The following CACUL1 variants were observed in gnomAD, a reference collection of about 807,000 sequenced individuals.
The protein encoded by CACUL1 is CDK2 associated cullin domain 1.
A neutral mutation model predicts 45.2 loss-of-function variants in CACUL1; 13 were observed. That is an observed-to-expected ratio of 0.29 (90% CI 0.19 to 0.46). The LOEUF is 0.46. Among genes scored for constraint, CACUL1 ranks in the 20% least tolerant of loss-of-function variants. CACUL1 has a pLI of 1.00. For missense variants in CACUL1, 421 were observed against 471.4 expected (o/e 0.89, Z 0.99); for synonymous variants, 197 against 174.2 (o/e 1.13, Z -1.03).
chr10:118,690,097 C>A (rs1055814325), intron 7 of CACUL1, among the ~76,000 whole-genome samples: 1 of 152,042 alleles, frequency 6.6e-6, no homozygotes. Flanking sequence ...GTCAGGAGAT[C>A]GAGACCATCC....
intron 8 of CACUL1, 86 bp from the exon 9 acceptor site, chr10:118,686,254 TC>T: frequency 8.8e-7 from 1 of 1,136,318 alleles, no homozygotes; most frequent in South Asian, 1.2e-5. Flanking sequence ...CACACATTTC[TC>T]ACTCCTCTCC....
intron 1 of CACUL1, among the ~76,000 whole-genome samples, chr10:118,736,251 A>T (rs1426017592): frequency 6.6e-6 from 1 of 151,824 alleles, no homozygotes; most frequent in South Asian, 2.1e-4. Context: ...TCAGGATAAG[A>T]AAATATTTTT....
At chr10:118,713,871 C>T (rs1338015910) in intron 3 of CACUL1, among the ~76,000 whole-genome samples, 2 of 152,100 alleles carry the variant, frequency 1.3e-5, no homozygotes, top group Admixed American at 6.6e-5. Flanking sequence ...TCTCTGGAAA[C>T]CTTTACATTT....
intron 4 of CACUL1, among the ~76,000 whole-genome samples, chr10:118,702,824 C>T (rs112858729): frequency 6.6e-6 from 1 of 152,078 alleles, no homozygotes; most frequent in African/African-American, 2.4e-5. Flanking sequence ...TCAGGTGATC[C>T]GCCAGCCTCT....
chr10:118,719,208 T>C (rs967749537), intron 3 of CACUL1, among the ~76,000 whole-genome samples: 1 of 152,242 alleles, frequency 6.6e-6, no homozygotes, highest in Non-Finnish European at 1.5e-5. Context: ...AAATAGTTTA[T>C]TCCAAGTCCT....
intron 1 of CACUL1, among the ~76,000 whole-genome samples, chr10:118,747,780 TG>T (rs1036350828): frequency 3.3e-5 from 5 of 152,156 alleles, no homozygotes; most frequent in African/African-American, 1.2e-4. Flanking sequence ...CAGCGTTAAC[TG>T]ACTGCAAAGA....
Position 118,677,039 on chromosome 10 carries a change from C to T in CACUL1, c.*9089G>A, listed in dbSNP as rs554901270. ...TTTTAGTTCACAATCTGGAATTTCT[C>T]TTGGTGAATGGTATGATAGGAATCA... On this transcript the variant is annotated 3_prime_UTR_variant, in exon 9 of 9. Transcript: ENST00000369151. 4 of 152,204 alleles carry T rather than the reference C, an allele frequency of 2.6e-5. No homozygotes were observed. Among genetic ancestry groups the T allele is most frequent in the South Asian group, 4.1e-4 (2 of 4,822 alleles). The allele number at this position is 152,204 out of a possible 1,614,324, so 9.4% of individuals were successfully genotyped here. A position where few individuals can be genotyped will look rare whatever the true frequency, so the allele number is the denominator to read the frequency against.
At chr10:118,689,597 C>A (rs142850814) in intron 7 of CACUL1, among the ~76,000 whole-genome samples, 44 of 152,234 alleles carry the variant, frequency 2.9e-4, no homozygotes, top group Admixed American at 1.5e-3. Flanking sequence ...CTGAATAGTG[C>A]CATGTTTGTC....
chr10:118,700,716 C>CAAAAAAAAAAAAAAAAAAAAAAAAAAA (rs59032746), intron 5 of CACUL1, among the ~76,000 whole-genome samples: 1 of 132,946 alleles, frequency 7.5e-6, no homozygotes, highest in African/African-American at 3.2e-5. Flanking sequence ...GACTCCGTCT[C>CAAAAAAAAAAAAAAAAAAAAAAAAAAA]AAAAAAAAAA....
Position 118,682,076 on chromosome 10 carries a change from T to G in CACUL1, c.*4052A>C, listed in dbSNP as rs1255860971. 1 of 152,222 alleles carries G rather than the reference T, an allele frequency of 6.6e-6. No individual in the cohort carries two copies. Among genetic ancestry groups the G allele is most frequent in the Admixed American group, 6.5e-5 (1 of 15,284 alleles). The allele number at this position is 152,222 out of a possible 1,614,324, so 9.4% of individuals were successfully genotyped here. On this transcript the variant is annotated 3_prime_UTR_variant, in exon 9 of 9. Coordinates refer to ENST00000369151, the MANE Select transcript of CACUL1 (RefSeq NM_153810.5). ...CCAAAAAGGTCCTATAAACCTGTAA[T>G]AGATGTCAAAGGGATTCACATTCTG...
In CACUL1 at chr10:118,729,334, C is replaced by G; in HGVS notation, c.558G>C (p.Lys186Asn). 1 of 1,613,214 alleles carries G rather than the reference C, an allele frequency of 6.2e-7. No homozygotes were observed. Among genetic ancestry groups the G allele is most frequent in the South Asian group, 1.1e-5 (1 of 91,070 alleles). The change falls in exon 3 of 9, where the codon AAG (lysine) becomes AAC (asparagine). Residue 186 changes from lysine to asparagine, a missense_variant. Lys to Asn is a moderately conservative substitution (Grantham distance 94, BLOSUM62 0). Coordinates refer to ENST00000369151, the MANE Select transcript of CACUL1 (RefSeq NM_153810.5). ...AGACTCTCTCTAAGTGATTAGTTATCTTTTTAATCAGATCACTATACATCT... is the reference window on the plus strand; with the variant it reads ...AGACTCTCTCTAAGTGATTAGTTATGTTTTTAATCAGATCACTATACATCT... The part of the protein sequence containing the change: ...SEQMYSDLIK[K>N]ITNHLERVSK...
intron 7 of CACUL1, among the ~76,000 whole-genome samples, chr10:118,690,733 C>T (rs1845257157): frequency 6.6e-6 from 1 of 152,126 alleles, no homozygotes; most frequent in South Asian, 2.1e-4. Context: ...AACTGCTCAC[C>T]CAGTGGGAAA....
At chr10:118,697,243 T>G (rs2119565050) in intron 5 of CACUL1, among the ~76,000 whole-genome samples, 1 of 152,312 alleles carries the variant, frequency 6.6e-6, no homozygotes, top group East Asian at 1.9e-4. Context: ...ACCTTTTTAT[T>G]TTTAACAAGT....
In CACUL1 at chr10:118,721,917, T is replaced by C. The variant is rs375599088; in HGVS notation, c.597+7378A>G. Among the ~76,000 whole-genome samples the C allele has an allele frequency of 1.2e-4, 19 of 152,228 alleles. No individual in the cohort carries two copies. In the East Asian group the frequency reaches 2.3e-3, roughly 19 times the overall value. On this transcript the variant is annotated intron_variant, in intron 3 of 8. Coordinates refer to ENST00000369151, the MANE Select transcript of CACUL1 (RefSeq NM_153810.5). ...TTTCAATGGATTCTGGATTCAGAAA[T>C]ACACATAGAAAAAATGAAATGAGGA...
intron 3 of CACUL1, among the ~76,000 whole-genome samples, chr10:118,716,475 G>A (rs1042193672): frequency 6.6e-6 from 1 of 151,942 alleles, no homozygotes; most frequent in Non-Finnish European, 1.5e-5. Flanking sequence ...TATTTCATCA[G>A]TCCCTTGTCA....
intron 1 of CACUL1, among the ~76,000 whole-genome samples, chr10:118,732,742 C>A (rs1845709040): frequency 6.6e-6 from 1 of 152,136 alleles, no homozygotes; most frequent in South Asian, 2.1e-4. Context: ...TGCCTCACTT[C>A]CCCAATCCCC....
chr10:118,718,396 A>AGAGGCTGTGGGCCAAATCTTGTC, intron 3 of CACUL1, among the ~76,000 whole-genome samples: 1 of 152,244 alleles, frequency 6.6e-6, no homozygotes, highest in Non-Finnish European at 1.5e-5. Flanking sequence ...TCAACAAACT[A>AGAGGCTGTGGGCCAAATCTTGTC]GAGGCTGTGG....
chr10:118,690,250 G>A lies in CACUL1; in HGVS notation c.1025+1015C>T, dbSNP rs919928012. On this transcript the variant is annotated intron_variant, in intron 7 of 8. Coordinates refer to ENST00000369151, the MANE Select transcript of CACUL1 (RefSeq NM_153810.5). Reference sequence around the variant, plus strand: ...CGGGAAGCGGAGCTTGCAGTGAGCCGAGATTGCGCCACTGCAGTCCGCAGT... The same window carrying A: ...CGGGAAGCGGAGCTTGCAGTGAGCCAAGATTGCGCCACTGCAGTCCGCAGT... Among the ~76,000 whole-genome samples the A allele has an allele frequency of 7.1e-5, 10 of 140,250 alleles. No individual in the cohort carries two copies. The East Asian group carries it at 1.1e-3, about 15-fold the overall frequency. The allele number at this position is 140,250 out of a possible 152,430, so 92.0% of individuals were successfully genotyped here.
chr10:118,748,093 AAG>A (rs762737341), intron 1 of CACUL1, among the ~76,000 whole-genome samples: 45 of 152,278 alleles, frequency 3.0e-4, no homozygotes, highest in East Asian at 5.8e-4. Context: ...TCCAAAAAAA[AAG>A]AGAGAGACAG....
Sources: gnomAD v4.1 joint callset for allele counts (sites outside exome capture counted in the v4.1 genomes callset) on GRCh38, gnomAD v4.1.1 for gene constraint, MANE v1.5 for transcripts, NCBI Gene and HGNC (gene_info 2026-07-23, HGNC 2026-07-21) for gene names.